DAB1: variants seen among roughly 807,000 people sequenced by gnomAD.
DAB1 encodes disabled homolog 1.
Under a neutral mutation model 64.6 loss-of-function variants are expected in DAB1, and 15 were observed. The observed-to-expected ratio is 0.23, with a 90% CI of 0.16 to 0.36. The LOEUF is 0.36. DAB1 is among the 10% of genes least tolerant of loss of function. DAB1 has a pLI of 1.00. For synonymous variants in DAB1, 235 were observed against 251.9 expected, an observed-to-expected ratio of 0.93 and a Z score of 0.64; for missense variants, 596 against 706.7, an observed-to-expected ratio of 0.84 and a Z score of 1.78.
intron 6 of DAB1, among the ~76,000 whole-genome samples, chr1:57,702,493 A>C (rs986311144): frequency 6.6e-6 from 1 of 152,048 alleles, no homozygotes; most frequent in Non-Finnish European, 1.5e-5. Context: ...AATTCTCATA[A>C]TTTCCTCTAA....
rs575755769 is a variant in DAB1, at chr1:57,327,835, T to C, written c.-136-36669A>G. ...TACTTTTCCTAAAAGCTTGAGAGAT[T>C]TACAAGTGGAAAAAACAACAACAAA... On this transcript the variant is annotated intron_variant, in intron 1 of 14. Coordinates refer to ENST00000371236, the MANE Select transcript of DAB1 (RefSeq NM_001365792.1). 1.8e-4 allele frequency among the ~76,000 whole-genome samples: 27 copies of C among 152,100 alleles called. 1 individual carries two copies. The South Asian group carries it at 5.6e-3, about 32-fold the overall frequency.
intron 1 of DAB1, among the ~76,000 whole-genome samples, chr1:57,840,958 T>C (rs1416604754): frequency 6.6e-6 from 1 of 152,214 alleles, no homozygotes; most frequent in African/African-American, 2.4e-5. Flanking sequence ...CATTCCAGCA[T>C]TAACTCAAAA....
At chr1:57,392,359 G>A (rs895564358) in intron 1 of DAB1, among the ~76,000 whole-genome samples, 7 of 152,124 alleles carry the variant, frequency 4.6e-5, no homozygotes, top group East Asian at 1.9e-4. Flanking sequence ...GTGACAGAGC[G>A]AGACTGTCTC....
At chr1:57,787,659 G>C (rs1278350972) in intron 6 of DAB1, among the ~76,000 whole-genome samples, 1 of 151,940 alleles carries the variant, frequency 6.6e-6, no homozygotes, top group African/African-American at 2.4e-5. Context: ...TAAAAAAATT[G>C]ATACACTGAA....
intron 5 of DAB1, among the ~76,000 whole-genome samples, chr1:57,953,374 G>A (rs1645318789): frequency 6.6e-6 from 1 of 152,188 alleles, no homozygotes; most frequent in African/African-American, 2.4e-5. Context: ...TTTATTGCCT[G>A]CTAGTGTTTG....
intron 5 of DAB1, among the ~76,000 whole-genome samples, chr1:57,949,006 C>T (rs1195090869): frequency 1.3e-5 from 2 of 152,176 alleles, no homozygotes; most frequent in African/African-American, 2.4e-5. Context: ...CATGCACTCA[C>T]CAGCAATCTA....
chr1:57,156,962 T>C (rs1174678390), intron 2 of DAB1, among the ~76,000 whole-genome samples: 1 of 152,196 alleles, frequency 6.6e-6, no homozygotes, highest in Non-Finnish European at 1.5e-5. Flanking sequence ...GGAGTCACCT[T>C]GCAGAAGCTT....
chr1:57,352,469 C>A (rs1678665155), intron 1 of DAB1, among the ~76,000 whole-genome samples: 1 of 152,096 alleles, frequency 6.6e-6, no homozygotes, highest in Admixed American at 6.6e-5. Flanking sequence ...AGTTCAAAAG[C>A]TTGCATATTT....
At chr1:58,333,060 C>T (rs1663011720) in intron 4 of DAB1, among the ~76,000 whole-genome samples, 1 of 152,162 alleles carries the variant, frequency 6.6e-6, no homozygotes, top group African/African-American at 2.4e-5. Flanking sequence ...CAGGCGTGTG[C>T]CACCATACCC....
At chr1:58,162,387 AC>A (rs1272845104) in intron 4 of DAB1, among the ~76,000 whole-genome samples, 1 of 151,650 alleles carries the variant, frequency 6.6e-6, no homozygotes, top group African/African-American at 2.4e-5. Flanking sequence ...TTTCCTCCCC[AC>A]CTTCCTTTCT....
intron 3 of DAB1, among the ~76,000 whole-genome samples, chr1:58,439,001 A>AG (rs975516732): frequency 3.3e-5 from 5 of 151,842 alleles, no homozygotes; most frequent in Non-Finnish European, 7.4e-5. Context: ...TGGGACTGCG[A>AG]GGGGGTGGGG....
chr1:58,512,204 T>C lies in DAB1; in HGVS notation n.108-5995A>G, dbSNP rs1569922982. Among the ~76,000 whole-genome samples, 5 of 152,244 alleles carry C rather than the reference T, an allele frequency of 3.3e-5. No homozygotes were observed. The Middle Eastern group carries it at 0.014, about 414-fold the overall frequency. ...TGCAAACTGGAATCACAATGAAATA[T>C]TACCTTACACCTGTTAGGTTATCTA... is the stretch of plus-strand genomic sequence containing the variant. On this transcript the variant is annotated intron_variant and non_coding_transcript_variant, in intron 2 of 20. Transcript: ENST00000485760.
At chr1:57,167,674 A>G (rs1169450418) in intron 2 of DAB1, among the ~76,000 whole-genome samples, 1 of 152,032 alleles carries the variant, frequency 6.6e-6, no homozygotes, top group Non-Finnish European at 1.5e-5. Flanking sequence ...GAGATTACCA[A>G]TTTCTCCTTT....
chr1:57,085,432 G>T (rs189627118), intron 4 of DAB1, among the ~76,000 whole-genome samples: 1 of 152,170 alleles, frequency 6.6e-6, no homozygotes, highest in African/African-American at 2.4e-5. Context: ...ATCAAATACT[G>T]CCCGCTACTG....
intron 1 of DAB1, among the ~76,000 whole-genome samples, chr1:57,835,455 C>T (rs564532873): frequency 2.0e-5 from 3 of 152,212 alleles, no homozygotes; most frequent in African/African-American, 7.2e-5. Flanking sequence ...TCTAACTATT[C>T]CCAAGCAGAA....
At chr1:57,729,202 G>C (rs1313634234) in intron 6 of DAB1, among the ~76,000 whole-genome samples, 2 of 152,202 alleles carry the variant, frequency 1.3e-5, no homozygotes, top group African/African-American at 4.8e-5. Context: ...CCTGGTGTGG[G>C]GCAACGGTTC....
intron 3 of DAB1, among the ~76,000 whole-genome samples, chr1:58,494,874 A>G (rs1472478950): frequency 6.6e-6 from 1 of 152,182 alleles, no homozygotes; most frequent in Non-Finnish European, 1.5e-5. Context: ...TTCCTCAGGG[A>G]TCTAGAACTA....
intron 4 of DAB1, among the ~76,000 whole-genome samples, chr1:58,329,577 A>G (rs1193633230): frequency 6.6e-6 from 1 of 152,136 alleles, no homozygotes; most frequent in Non-Finnish European, 1.5e-5. Context: ...GTACTTTGCC[A>G]TTGTATTTTT....
At chr1:58,366,550 T>TC (rs1312092615) in intron 3 of DAB1, among the ~76,000 whole-genome samples, 2 of 152,188 alleles carry the variant, frequency 1.3e-5, no homozygotes, top group African/African-American at 4.8e-5. Flanking sequence ...GAATACATGG[T>TC]CCCAGGAACC....
Sources: allele counts gnomAD v4.1 joint callset (sites outside exome capture counted in the v4.1 genomes callset), GRCh38; gene constraint gnomAD v4.1.1; transcripts MANE v1.5; gene names NCBI Gene and HGNC (gene_info 2026-07-23, HGNC 2026-07-21).